Variants in CAPN11 observed in about 807,000 individuals in gnomAD.
The protein encoded by CAPN11 is calpain-11.
A neutral mutation model predicts 105.3 loss-of-function variants in CAPN11; 108 were observed. That is an observed-to-expected ratio of 1.03 (90% CI 0.88 to 1.20). The LOEUF (loss-of-function observed/expected upper bound fraction) is 1.20, where lower values mean the gene tolerates loss of function less well. CAPN11 is among the 50% of genes most tolerant of loss of function. The pLI is 0.00. For missense variants in CAPN11, 883 were observed against 924.8 expected (o/e 0.95, Z 0.59); for synonymous variants, 329 against 344.5 (o/e 0.96, Z 0.50).
intron 7 of CAPN11, among the ~76,000 whole-genome samples, chr6:44,175,227 C>T (rs556090053): frequency 7.6e-4 from 116 of 152,182 alleles, no homozygotes; most frequent in African/African-American, 2.7e-3. Flanking sequence ...CACCTGCAAT[C>T]CCAGCACTTT....
intron 1 of CAPN11, 51 bp from the exon 2 acceptor site, chr6:44,166,707 T>C: frequency 1.5e-5 from 21 of 1,398,574 alleles, no homozygotes; most frequent in Non-Finnish European, 2.0e-5. Flanking sequence ...GGGCTCTGTT[T>C]AACTTTAGAC....
At chr6:44,179,858 C>T in intron 13 of CAPN11, 94 bp from the exon 14 acceptor site, 1 of 1,072,012 alleles carries the variant, frequency 9.3e-7, no homozygotes, top group Non-Finnish European at 1.4e-6. Flanking sequence ...TGGCACCTAC[C>T]TCCAACCCTG....
At chr6:44,175,619 T>C (rs776716325) in intron 7 of CAPN11, among the ~76,000 whole-genome samples, 5 of 151,334 alleles carry the variant, frequency 3.3e-5, no homozygotes, top group Non-Finnish European at 7.4e-5. Context: ...ATACTAAAAA[T>C]ACAAGAAATT....
At position 44,177,007 on chromosome 6, in the gene CAPN11, G is replaced by GA. The variant is rs1207042368; in HGVS notation, c.1237+9_1237+10insA. On this transcript the variant is annotated intron_variant, in intron 11 of 22. Coordinates refer to ENST00000398776, the MANE Select transcript of CAPN11 (RefSeq NM_007058.4). Reference sequence around the variant, plus strand: ...CTGCAGGAACCACCCTGGTGGGTGAGGGGTGAGAGGGGAGGGGGTGTGCAG... The same window carrying GA: ...CTGCAGGAACCACCCTGGTGGGTGAGAGGGTGAGAGGGGAGGGGGTGTGCAG... The GA allele has an allele frequency of 1.9e-6, 3 of 1,575,302 alleles. No individual in the cohort carries two copies. Among genetic ancestry groups the GA allele is most frequent in the Non-Finnish European group, 2.6e-6 (3 of 1,161,892 alleles).
chr6:44,170,362 G>A (rs891552240), intron 4 of CAPN11, among the ~76,000 whole-genome samples: 4 of 152,302 alleles, frequency 2.6e-5, no homozygotes, highest in South Asian at 2.1e-4. Context: ...CAGTCAAGAC[G>A]TCTGCAACCT....
chr6:44,183,304 C>T lies in CAPN11; in HGVS notation c.2134+69C>T. 3 of 916,270 alleles carry T rather than the reference C, an allele frequency of 3.3e-6. No homozygotes were observed. The South Asian group carries it at 4.0e-5, about 12-fold the overall frequency. The allele number at this position is 916,270 out of a possible 1,614,324, so 56.8% of individuals were successfully genotyped here. Reference sequence around the variant, plus strand: ...GCGGGCCCTTTCCCAAACACCCACCCTGATGGGTGCTGCTCCAGATCCCCT... The same window carrying T: ...GCGGGCCCTTTCCCAAACACCCACCTTGATGGGTGCTGCTCCAGATCCCCT... On this transcript the variant is annotated intron_variant, in intron 21 of 22. Transcript: ENST00000398776.
intron 5 of CAPN11, 24 bp from the exon 6 acceptor site, chr6:44,172,916 G>T: frequency 6.2e-7 from 1 of 1,610,762 alleles, no homozygotes. Context: ...TCCCACGCAA[G>T]GGGTGTGTGT....
intron 2 of CAPN11, among the ~76,000 whole-genome samples, chr6:44,168,203 CT>C (rs1164234583): frequency 1.3e-5 from 2 of 152,190 alleles, no homozygotes; most frequent in African/African-American, 4.8e-5. Flanking sequence ...CAGGCAACCC[CT>C]AATCTACGTT....
intron 20 of CAPN11, 35 bp from the exon 21 acceptor site, chr6:44,183,084 C>G (rs774938471): frequency 3.1e-6 from 5 of 1,597,426 alleles, no homozygotes; most frequent in Non-Finnish European, 4.3e-6. Flanking sequence ...GAGGCCCAGA[C>G]TTTTCCCCTC....
intron 19 of CAPN11, among the ~76,000 whole-genome samples, chr6:44,181,736 CCA>C (rs1348570398): frequency 2.9e-5 from 1 of 35,074 alleles, no homozygotes; most frequent in Non-Finnish European, 5.8e-5. Flanking sequence ...CACAACCACA[CCA>C]CACTCACACA....
intron 11 of CAPN11, 121 bp from the exon 12 acceptor site, chr6:44,177,121 A>G: frequency 6.8e-7 from 1 of 1,469,846 alleles, no homozygotes; most frequent in Non-Finnish European, 9.2e-7. Context: ...AGGGTTAGTC[A>G]GATTTCACAG....
In CAPN11 at chr6:44,169,323, A is replaced by G. The variant is rs199643607; in HGVS notation, c.131A>G (p.Asn44Ser). ...TDTGMVAHIN[N>S]SRLKAKGVGQ... Reference sequence around the variant, plus strand: ...ACGGGAATGGTGGCTCACATAAACAACAGCCGGCTCAAGGCCAAGGGCGTG... The same window carrying G: ...ACGGGAATGGTGGCTCACATAAACAGCAGCCGGCTCAAGGCCAAGGGCGTG... The change falls in exon 3 of 23, where the codon AAC becomes AGC. Residue 44 changes from asparagine to serine, a missense_variant. Asn to Ser is a conservative substitution (Grantham distance 46, BLOSUM62 1). Transcript: ENST00000398776. 1 of 1,613,730 alleles carries G rather than the reference A, an allele frequency of 6.2e-7. No individual in the cohort carries two copies. Among genetic ancestry groups the G allele is most frequent in the Non-Finnish European group, 8.5e-7 (1 of 1,179,760 alleles).
Position 44,158,879 on chromosome 6 carries a change from G to A in CAPN11, c.16+15G>A. 2.6e-6 allele frequency: 4 copies of A among 1,550,810 alleles called. No individual in the cohort carries two copies. Among genetic ancestry groups the A allele is most frequent in the South Asian group, 1.2e-5 (1 of 84,044 alleles). ...GTACTCCCCAGGTAGGCACTCATGG[G>A]GCCTTGCCCCACTCCTGTACCTCCT... On this transcript the variant is annotated intron_variant, in intron 1 of 22. Coordinates refer to ENST00000398776, the MANE Select transcript of CAPN11 (RefSeq NM_007058.4).
intron 12 of CAPN11, 103 bp downstream of exon 12, chr6:44,177,523 T>A: frequency 8.9e-7 from 1 of 1,118,196 alleles, no homozygotes; most frequent in Non-Finnish European, 1.3e-6. Context: ...AGTCTCACTC[T>A]GTTGCCCAGG....
Position 44,183,909 on chromosome 6 carries a change from C to T in CAPN11, c.2197C>T (p.Leu733=), listed in dbSNP as rs1035133615. The part of the protein sequence containing the change: ...GHICLSLEQW[L]QMTMWG ...GATCTGCTTCCTGTCTCCACAGTGG[C>T]TGCAGATGACCATGTGGGGATAGAG... Residue 733 remains leucine, a synonymous_variant, in exon 23 of 23, where the codon CTG becomes TTG. Coordinates refer to ENST00000398776, the MANE Select transcript of CAPN11 (RefSeq NM_007058.4). 2 of 1,558,416 alleles carry T rather than the reference C, an allele frequency of 1.3e-6. No homozygotes were observed. Among genetic ancestry groups the T allele is most frequent in the Non-Finnish European group, 1.7e-6 (2 of 1,150,684 alleles).
At chr6:44,160,389 G>C (rs943968323) in intron 1 of CAPN11, among the ~76,000 whole-genome samples, 7 of 152,210 alleles carry the variant, frequency 4.6e-5, no homozygotes, top group African/African-American at 1.7e-4. Context: ...AGGCCGTGGC[G>C]GGCAGATCAC....
In CAPN11 at chr6:44,166,808, A is replaced by G. The variant is rs1005282966; in HGVS notation, c.67A>G (p.Lys23Glu). Residue 23 changes from lysine (K) to glutamate (E), a missense_variant, in exon 2 of 23, where the codon AAG becomes GAG. Coordinates refer to ENST00000398776, the MANE Select transcript of CAPN11 (RefSeq NM_007058.4). ...GAGCCTGGATGGATCACAGGAGGAT[A>G]AGCCTCGGGGCTCATGTGCGGGTAG... ...AESLDGSQEDKPRGSCAEPTF... is the reference protein window; with the variant it reads ...AESLDGSQEDEPRGSCAEPTF... 1 of 1,551,968 alleles carries G rather than the reference A, an allele frequency of 6.4e-7. No individual in the cohort carries two copies. The highest frequency in any genetic ancestry group is 2.4e-5 in the East Asian group (1 of 40,912).
intron 4 of CAPN11, among the ~76,000 whole-genome samples, chr6:44,171,757 G>A (rs1305464257): frequency 2.0e-5 from 3 of 152,124 alleles, no homozygotes; most frequent in Admixed American, 6.6e-5. Flanking sequence ...ACAAAAGGAT[G>A]TGTCTCTCAC....
chr6:44,165,136 G>A (rs964599911), intron 1 of CAPN11, among the ~76,000 whole-genome samples: 3 of 152,146 alleles, frequency 2.0e-5, no homozygotes, highest in Non-Finnish European at 4.4e-5. Flanking sequence ...TGATCCACCT[G>A]CCTCAGCCTC....
Sources: allele counts gnomAD v4.1 joint callset (sites outside exome capture counted in the v4.1 genomes callset), GRCh38; gene constraint gnomAD v4.1.1; transcripts MANE v1.5; gene names NCBI Gene and HGNC (gene_info 2026-07-23, HGNC 2026-07-21).